MAST2: variants seen among roughly 807,000 people sequenced by gnomAD.
The protein encoded by MAST2 is microtubule-associated serine/threonine-protein kinase 2.
In MAST2, 70 loss-of-function variants were observed where a neutral mutation model predicts 147.4. That is an observed-to-expected ratio of 0.47 (90% CI 0.39 to 0.58). The LOEUF is 0.58. Among genes scored for constraint, MAST2 ranks in the 20% least tolerant of loss-of-function variants. The pLI is 0.00. For missense variants in MAST2, 2,080 were observed against 2,302.3 expected, an observed-to-expected ratio of 0.90 and a Z score of 1.98; for synonymous variants, 869 against 896.8, an observed-to-expected ratio of 0.97 and a Z score of 0.55.
chr1:45,964,241 A>C (rs1049805241), intron 5 of MAST2, among the ~76,000 whole-genome samples: 7 of 152,198 alleles, frequency 4.6e-5, no homozygotes, highest in Admixed American at 4.6e-4. Context: ...AAAATGAGTT[A>C]GGGAGGATTC....
intron 5 of MAST2, among the ~76,000 whole-genome samples, chr1:45,962,653 T>C (rs1354517487): frequency 6.6e-6 from 1 of 152,252 alleles, no homozygotes; most frequent in Non-Finnish European, 1.5e-5. Flanking sequence ...TTGAGTTCTT[T>C]GTAGATTCTG....
At chr1:45,825,443 T>A (rs1412538103) in intron 2 of MAST2, among the ~76,000 whole-genome samples, 1 of 152,100 alleles carries the variant, frequency 6.6e-6, no homozygotes, top group Non-Finnish European at 1.5e-5. Context: ...TCTTCTCTTT[T>A]TTTTTTTGAG....
chr1:45,948,103 C>T (rs890364019), intron 4 of MAST2, among the ~76,000 whole-genome samples: 10 of 152,314 alleles, frequency 6.6e-5, no homozygotes, highest in East Asian at 1.9e-4. Context: ...CATTCCTATC[C>T]GCCAACAGCA....
At chr1:45,816,542 A>G (rs1570194929) in intron 1 of MAST2, among the ~76,000 whole-genome samples, 2 of 152,314 alleles carry the variant, frequency 1.3e-5, no homozygotes, top group South Asian at 4.1e-4. Flanking sequence ...AGAATCCCCT[A>G]AGGTAACTTC....
At chr1:45,823,349 T>G (rs1261791431) in intron 1 of MAST2, among the ~76,000 whole-genome samples, 5 of 151,682 alleles carry the variant, frequency 3.3e-5, no homozygotes, top group African/African-American at 9.7e-5. Flanking sequence ...TTTTTTTTTT[T>G]TTTTGAGACG....
At chr1:45,838,038 C>G (rs1645156738) in intron 3 of MAST2, among the ~76,000 whole-genome samples, 1 of 151,994 alleles carries the variant, frequency 6.6e-6, no homozygotes. Context: ...CTCAGCCTCC[C>G]AAAGTGCTGG....
chr1:45,841,099 C>A (rs528771170), intron 3 of MAST2, among the ~76,000 whole-genome samples: 8 of 152,084 alleles, frequency 5.3e-5, no homozygotes, highest in African/African-American at 1.9e-4. Context: ...GAAGCTGGGA[C>A]CACAGTTTTC....
intron 4 of MAST2, among the ~76,000 whole-genome samples, chr1:45,889,671 T>C (rs930909204): frequency 2.0e-4 from 31 of 152,032 alleles, no homozygotes; most frequent in African/African-American, 5.8e-4. Context: ...AGTGACGCAA[T>C]CTTGGCTCAC....
chr1:46,003,093 C>T (rs1248781316), intron 7 of MAST2, among the ~76,000 whole-genome samples: 2 of 152,162 alleles, frequency 1.3e-5, no homozygotes, highest in Non-Finnish European at 2.9e-5. Context: ...ATGACCAGTG[C>T]CCTCTCTGGG....
intron 5 of MAST2, among the ~76,000 whole-genome samples, chr1:45,980,498 G>T (rs1429375512): frequency 6.6e-6 from 1 of 152,072 alleles, no homozygotes; most frequent in Non-Finnish European, 1.5e-5. Context: ...AATTTTTAAA[G>T]AATCAGTTTA....
intron 1 of MAST2, 142 bp downstream of exon 1, chr1:45,804,214 C>A: frequency 1.9e-6 from 2 of 1,044,852 alleles, no homozygotes; most frequent in Non-Finnish European, 2.5e-6. Context: ...CTGGGGAGGC[C>A]GAGAAATGGG....
intron 3 of MAST2, among the ~76,000 whole-genome samples, chr1:45,852,498 A>T (rs1645654127): frequency 6.7e-6 from 1 of 150,002 alleles, no homozygotes; most frequent in African/African-American, 2.4e-5. Context: ...AGTAGCTGGG[A>T]TCACAGGCAC....
At chr1:45,927,153 C>A (rs1654506258) in intron 4 of MAST2, among the ~76,000 whole-genome samples, 1 of 152,128 alleles carries the variant, frequency 6.6e-6, no homozygotes, top group Non-Finnish European at 1.5e-5. Context: ...GGGTGACAGA[C>A]ATCAAGTACT....
intron 1 of MAST2, among the ~76,000 whole-genome samples, chr1:45,804,458 C>G (rs1644081168): frequency 6.6e-6 from 1 of 152,066 alleles, no homozygotes; most frequent in East Asian, 1.9e-4. Flanking sequence ...ATCCTGTTTT[C>G]TAGAGGTTGT....
chr1:45,952,670 AAT>A (rs1659098218), intron 4 of MAST2, among the ~76,000 whole-genome samples: 3 of 152,326 alleles, frequency 2.0e-5, no homozygotes, highest in South Asian at 2.1e-4. Context: ...ACTACAGAAT[AAT>A]ATTTTTAAAG....
chr1:45,910,738 T>C (rs1431908575), intron 4 of MAST2, among the ~76,000 whole-genome samples: 1 of 152,242 alleles, frequency 6.6e-6, no homozygotes. Flanking sequence ...ACAGGAAGGA[T>C]ATAACAGTTA....
intron 18 of MAST2, chr1:46,029,170 G>A: frequency 3.6e-6 from 2 of 555,390 alleles, no homozygotes; most frequent in Admixed American, 6.5e-5. Context: ...TATACACCTG[G>A]GTGTTCCTGT....
chr1:45,960,746 G>A (rs1660301353), intron 5 of MAST2, among the ~76,000 whole-genome samples: 1 of 152,202 alleles, frequency 6.6e-6, no homozygotes, highest in Non-Finnish European at 1.5e-5. Flanking sequence ...CCTACAGTTA[G>A]TGGCAATTGA....
In MAST2 at chr1:46,030,159, C is replaced by T. The variant is rs1297012625; in HGVS notation, c.2474C>T (p.Ser825Leu). 11 of 1,614,076 alleles carry T rather than the reference C, an allele frequency of 6.8e-6. No homozygotes were observed. The African/African-American group carries it at 9.3e-5, about 14-fold the overall frequency. The change falls in exon 21 of 29, where the codon TCG becomes TTG. Residue 825 changes from serine to leucine, a missense_variant. Physicochemically the swap from Ser to Leu is moderately radical, Grantham distance 145 (BLOSUM62 -2). This residue lies in a region of MAST2 where 1,278 missense variants were observed against 1,304.2 expected (regional missense o/e 0.98). Coordinates refer to ENST00000361297, the MANE Select transcript of MAST2 (RefSeq NM_015112.3). Reference sequence around the variant, plus strand: ...TCAGAGCGATACCACCACATGGACTCGGAGGATGAGGAAGAAGTGAGTGAG... The same window carrying T: ...TCAGAGCGATACCACCACATGGACTTGGAGGATGAGGAAGAAGTGAGTGAG... ...TRSERYHHMD[S>L]EDEEEVSEDG... is the part of the protein sequence containing the mutation.
Sources: allele counts gnomAD v4.1 joint callset (sites outside exome capture counted in the v4.1 genomes callset), GRCh38; gene constraint gnomAD v4.1.1; regional missense constraint gnomAD v4.1.1; transcripts MANE v1.5; gene names NCBI Gene and HGNC (gene_info 2026-07-23, HGNC 2026-07-21).